Variants in DOCK2 observed in about 807,000 individuals in gnomAD.
DOCK2 encodes the protein dedicator of cytokinesis 2, also known as dedicator of cytokinesis protein 2.
Under a neutral mutation model 248.9 loss-of-function variants are expected in DOCK2, and 87 were observed. The observed-to-expected ratio is 0.35, with a 90% CI of 0.29 to 0.42. The LOEUF (loss-of-function observed/expected upper bound fraction) is 0.42. DOCK2 is among the 10% of genes least tolerant of loss of function. The probability of loss-of-function intolerance (pLI) is 1.00; values close to 1 mark genes in which losing one functional copy is unlikely to be tolerated. For synonymous variants in DOCK2, 805 were observed against 821.6 expected (o/e 0.98, Z 0.35); for missense variants, 1,747 against 2,300.2 (o/e 0.76, Z 4.92).
At chr5:169,743,420 T>C (rs1424230258) in intron 22 of DOCK2, among the ~76,000 whole-genome samples, 1 of 152,214 alleles carries the variant, frequency 6.6e-6, no homozygotes, top group African/African-American at 2.4e-5. Context: ...AAAATATTCC[T>C]CTTATGCTCA....
At chr5:169,849,052 C>T (rs145428077) in intron 27 of DOCK2, among the ~76,000 whole-genome samples, 6 of 152,172 alleles carry the variant, frequency 3.9e-5, no homozygotes, top group Non-Finnish European at 7.4e-5. Flanking sequence ...AACCCCAGTC[C>T]GTGGCAAGCA....
At chr5:170,047,147 G>A (rs1189985422) in intron 39 of DOCK2, among the ~76,000 whole-genome samples, 2 of 152,122 alleles carry the variant, frequency 1.3e-5, no homozygotes, top group East Asian at 3.9e-4. Flanking sequence ...AAGTGTGCAT[G>A]GAGGTGGGAG....
At chr5:169,726,750 C>G (rs1762495404) in intron 22 of DOCK2, among the ~76,000 whole-genome samples, 2 of 152,178 alleles carry the variant, frequency 1.3e-5, no homozygotes, top group African/African-American at 4.8e-5. Flanking sequence ...ACATGCATCC[C>G]AGCAATCAAA....
chr5:170,082,923 G>A lies in DOCK2; in HGVS notation c.*65G>A. 1 of 1,605,552 alleles carries A rather than the reference G, an allele frequency of 6.2e-7. No individual in the cohort carries two copies. Among genetic ancestry groups the A allele is most frequent in the Non-Finnish European group, 8.5e-7 (1 of 1,172,960 alleles). ...GGAGTTTCTGGAAGAGGAAAGCCAT[G>A]CGTGGAACATCGAAGCCTCAGAGAG... On this transcript the variant is annotated 3_prime_UTR_variant, in exon 52 of 52. Coordinates refer to ENST00000520908, the MANE Select transcript of DOCK2 (RefSeq NM_004946.3).
chr5:169,784,731 T>G (rs1474124819), intron 25 of DOCK2, among the ~76,000 whole-genome samples: 2 of 152,240 alleles, frequency 1.3e-5, no homozygotes, highest in Non-Finnish European at 2.9e-5. Context: ...GTGTTTATTT[T>G]TATTGTATTG....
At chr5:169,888,464 T>C (rs1459139888) in intron 27 of DOCK2, among the ~76,000 whole-genome samples, 1 of 152,240 alleles carries the variant, frequency 6.6e-6, no homozygotes, top group Non-Finnish European at 1.5e-5. Context: ...CTGTTTATGT[T>C]CCATCTATGC....
chr5:169,690,318 C>T (rs1387474630), intron 9 of DOCK2, among the ~76,000 whole-genome samples: 1 of 152,090 alleles, frequency 6.6e-6, no homozygotes, highest in African/African-American at 2.4e-5. Context: ...AGGGAAATTA[C>T]AGAGAAGGAG....
chr5:169,993,969 A>G (rs1185203979), intron 29 of DOCK2, among the ~76,000 whole-genome samples: 1 of 152,210 alleles, frequency 6.6e-6, no homozygotes, highest in East Asian at 1.9e-4. Context: ...TATGAGAGAA[A>G]GTCATAGTCA....
At chr5:170,033,519 A>G (rs372143352) in intron 34 of DOCK2, among the ~76,000 whole-genome samples, 1 of 152,184 alleles carries the variant, frequency 6.6e-6, no homozygotes, top group East Asian at 1.9e-4. Context: ...TTATAAGCAC[A>G]TAGAGACACA....
At chr5:169,953,282 G>C (rs1465312774) in intron 27 of DOCK2, among the ~76,000 whole-genome samples, 1 of 149,170 alleles carries the variant, frequency 6.7e-6, no homozygotes, top group African/African-American at 2.5e-5. Context: ...GCAGTAAGCC[G>C]AGATTACACC....
chr5:169,981,737 A>G (rs1777942757), intron 27 of DOCK2, among the ~76,000 whole-genome samples: 1 of 152,144 alleles, frequency 6.6e-6, no homozygotes, highest in Non-Finnish European at 1.5e-5. Flanking sequence ...AATGATTCCT[A>G]TTTACTGAAG....
intron 49 of DOCK2, chr5:170,079,840 C>G (rs72828650): frequency 0.24 from 51,829 of 214,248 alleles, 6,675 homozygotes; most frequent in Middle Eastern, 0.29. Flanking sequence ...CCAGAAACTT[C>G]CCAGTGGGCC....
intron 27 of DOCK2, among the ~76,000 whole-genome samples, chr5:169,931,207 A>T (rs1169275737): frequency 2.0e-5 from 3 of 152,214 alleles, no homozygotes; most frequent in African/African-American, 7.2e-5. Flanking sequence ...AGCTCTAGGA[A>T]ACCATCTTAC....
At chr5:169,933,126 C>G (rs1399431259) in intron 27 of DOCK2, among the ~76,000 whole-genome samples, 2 of 152,208 alleles carry the variant, frequency 1.3e-5, no homozygotes, top group African/African-American at 4.8e-5. Context: ...TCACCTGAAA[C>G]AGGGTAAGGA....
Position 169,638,856 on chromosome 5 carries a change from G to A in DOCK2, c.43+1487G>A, listed in dbSNP as rs140011140. Among the ~76,000 whole-genome samples the A allele has an allele frequency of 2.9e-3, 440 of 152,264 alleles. 1 individual carries two copies. Among genetic ancestry groups the A allele is most frequent in the African/African-American group, 9.5e-3 (393 of 41,544 alleles). On this transcript the variant is annotated intron_variant, in intron 1 of 51. Coordinates refer to ENST00000520908, the MANE Select transcript of DOCK2 (RefSeq NM_004946.3). ...TACATCACTTGGAAGCAATGGAGCG[G>A]GCCTTAAATTCAATTGTCTTCAGAC...
intron 27 of DOCK2, chr5:169,881,383 G>T (rs1007385681): frequency 1.9e-6 from 3 of 1,551,456 alleles, no homozygotes; most frequent in Non-Finnish European, 1.7e-6. Context: ...TATGATGCAC[G>T]CCGTGTTCTG....
At chr5:169,865,686 G>A (rs940676415) in intron 27 of DOCK2, among the ~76,000 whole-genome samples, 2 of 152,212 alleles carry the variant, frequency 1.3e-5, no homozygotes. Context: ...AGCCAGCGTG[G>A]GAGTGTGGGA....
chr5:169,678,280 T>G (rs1759451444), intron 6 of DOCK2, among the ~76,000 whole-genome samples: 1 of 152,090 alleles, frequency 6.6e-6, no homozygotes, highest in Non-Finnish European at 1.5e-5. Context: ...TTTTTGTTTT[T>G]TTTTTTCTTT....
At chr5:169,983,888 C>T (rs1432610488) in intron 28 of DOCK2, among the ~76,000 whole-genome samples, 2 of 152,200 alleles carry the variant, frequency 1.3e-5, no homozygotes, top group Non-Finnish European at 2.9e-5. Context: ...CCTACCCTTT[C>T]ATCCATTCAG....
Sources: allele counts gnomAD v4.1 joint callset (sites outside exome capture counted in the v4.1 genomes callset), GRCh38; gene constraint gnomAD v4.1.1; transcripts MANE v1.5; gene names NCBI Gene and HGNC (gene_info 2026-07-23, HGNC 2026-07-21).